SRRM3: variants seen among roughly 807,000 people sequenced by gnomAD.
SRRM3 encodes the protein serine/arginine repetitive matrix 3, also known as serine/arginine repetitive matrix protein 3.
In SRRM3, 27 loss-of-function variants were observed where a neutral mutation model predicts 66.2. That is an observed-to-expected ratio of 0.41 (90% CI 0.30 to 0.56). The LOEUF (loss-of-function observed/expected upper bound fraction) is 0.56, where lower values mean the gene tolerates loss of function less well. SRRM3 is among the 20% of genes least tolerant of loss of function. The pLI is 0.32. For missense variants in SRRM3, 918 were observed against 991.9 expected (o/e 0.93, Z 1.00); for synonymous variants, 391 against 414.9 (o/e 0.94, Z 0.70).
intron 2 of SRRM3, 43 bp from the exon 3 acceptor site, chr7:76,248,145 A>C: frequency 6.5e-7 from 1 of 1,547,140 alleles, no homozygotes; most frequent in Non-Finnish European, 8.9e-7. Flanking sequence ...GAGGGAACCA[A>C]ATCTGGGAGA....
intron 6 of SRRM3, 137 bp from the exon 7 acceptor site, chr7:76,261,215 G>A: frequency 1.4e-6 from 1 of 739,392 alleles, no homozygotes; most frequent in East Asian, 2.7e-5. Flanking sequence ...GGGTCACTCT[G>A]TACAAGGGAC....
intron 1 of SRRM3, among the ~76,000 whole-genome samples, chr7:76,229,157 C>T (rs1435910162): frequency 6.6e-6 from 1 of 152,016 alleles, no homozygotes; most frequent in African/African-American, 2.4e-5. Context: ...CTTGTCCTCC[C>T]AAAATGCTGA....
Position 76,265,422 on chromosome 7 carries a change from A to G in SRRM3, c.784A>G (p.Ser262Gly). Residue 262 changes from serine (S) to glycine (G), a missense_variant, in exon 10 of 15, where the codon AGC becomes GGC. Transcript: ENST00000611745. The part of the protein sequence containing the change: ...SHRHSSGSSH[S>G]PSLSSHYSDS... Reference sequence around the variant, plus strand: ...TCGCCATAGCAGTGGCAGCTCCCACAGCCCCTCCCTCTCCTCCCACTACAG... The same window carrying G: ...TCGCCATAGCAGTGGCAGCTCCCACGGCCCCTCCCTCTCCTCCCACTACAG... 1 of 1,606,222 alleles carries G rather than the reference A, an allele frequency of 6.2e-7. No homozygotes were observed. Among genetic ancestry groups the G allele is most frequent in the Non-Finnish European group, 8.5e-7 (1 of 1,176,630 alleles).
At chr7:76,281,891 C>T (rs1368058682) in intron 12 of SRRM3, 89 bp downstream of exon 12, 1 of 1,038,364 alleles carries the variant, frequency 9.6e-7, no homozygotes. Context: ...CGGGATCCCT[C>T]CCCGCGCTGA....
intron 2 of SRRM3, among the ~76,000 whole-genome samples, chr7:76,246,649 G>A (rs146213243): frequency 2.6e-5 from 4 of 152,244 alleles, no homozygotes; most frequent in South Asian, 4.1e-4. Flanking sequence ...GAACCAACTC[G>A]GAGGCCTAGG....
intron 1 of SRRM3, among the ~76,000 whole-genome samples, chr7:76,215,884 G>A (rs1383312770): frequency 2.1e-5 from 3 of 144,472 alleles, no homozygotes; most frequent in African/African-American, 5.2e-5. Flanking sequence ...TGCAAGCTCC[G>A]CCTCCCGGGT....
At chr7:76,243,004 T>C (rs1299213089) in intron 2 of SRRM3, among the ~76,000 whole-genome samples, 2 of 152,136 alleles carry the variant, frequency 1.3e-5, no homozygotes, top group Non-Finnish European at 2.9e-5. Context: ...AACTCACTCA[T>C]GGCCATGGGG....
In SRRM3 at chr7:76,285,528, G is replaced by A. The variant is rs1027268470; in HGVS notation, c.1734-87G>A. On this transcript the variant is annotated intron_variant, in intron 14 of 14. Coordinates refer to ENST00000611745, the MANE Select transcript of SRRM3 (RefSeq NM_001110199.3). This position sits in a 1 kb window ranked among gnomAD's most constrained non-coding sequence, Gnocchi z 4.1. ...AGGTGTCTCTAAGGCCAGGGCTCAG[G>A]GGAAACTGAGGCAGGAAGCCCTGGC... The A allele has an allele frequency of 1.2e-5, 13 of 1,113,542 alleles. No individual in the cohort carries two copies. Among genetic ancestry groups the A allele is most frequent in the Admixed American group, 2.3e-5 (1 of 43,378 alleles). 69.0% of individuals were successfully genotyped at this position (1,113,542 alleles called of 1,614,324 possible).
chr7:76,263,079 C>G (rs1193002330), intron 8 of SRRM3, among the ~76,000 whole-genome samples: 1 of 152,210 alleles, frequency 6.6e-6, no homozygotes, highest in African/African-American at 2.4e-5. Flanking sequence ...TCATCTTCCC[C>G]TGGCCTCCCA....
At chr7:76,229,380 G>T (rs1800958214) in intron 1 of SRRM3, among the ~76,000 whole-genome samples, 1 of 152,020 alleles carries the variant, frequency 6.6e-6, no homozygotes, top group Non-Finnish European at 1.5e-5. Context: ...GGCAAATCTG[G>T]CAATGCTAGC....
intron 2 of SRRM3, among the ~76,000 whole-genome samples, chr7:76,247,745 T>A (rs990899070): frequency 6.6e-6 from 1 of 152,154 alleles, no homozygotes; most frequent in Non-Finnish European, 1.5e-5. Flanking sequence ...CCTAGGCTGG[T>A]GTGCAGTGGC....
In SRRM3 at chr7:76,235,149, C is replaced by T. The variant is rs781982153; in HGVS notation, c.83C>T (p.Ser28Phe). The change falls in exon 2 of 15, where the codon TCC becomes TTC. Residue 28 changes from serine to phenylalanine, a missense_variant. Ser to Phe is a radical substitution (Grantham distance 155). Coordinates refer to ENST00000611745, the MANE Select transcript of SRRM3 (RefSeq NM_001110199.3). ...AANGFPQPSS[S>F]SGTWPRAEEE... is the part of the protein sequence containing the mutation. ...AACGGCTTCCCGCAGCCCAGCTCCT[C>T]CTCGGGGACCTGGCCGCGGGCGGAA... 1 of 1,560,902 alleles carries T rather than the reference C, an allele frequency of 6.4e-7. No individual in the cohort carries two copies. The highest frequency in any genetic ancestry group is 8.6e-7 in the Non-Finnish European group (1 of 1,161,174).
rs377112837 is a variant in SRRM3 at position 76,265,427 on chromosome 7, C to G, written c.789C>G (p.Pro263=). 4.4e-5 allele frequency: 71 copies of G among 1,606,396 alleles called. No individual in the cohort carries two copies. Among genetic ancestry groups the G allele is most frequent in the Admixed American group, 1.5e-4 (9 of 58,970 alleles). ...ATAGCAGTGGCAGCTCCCACAGCCC[C>G]TCCCTCTCCTCCCACTACAGTGATT... is the stretch of plus-strand genomic sequence containing the variant. ...HRHSSGSSHS[P]SLSSHYSDSR... The change falls in exon 10 of 15, where the codon CCC becomes CCG. Residue 263 remains proline (P), a synonymous_variant. Coordinates refer to ENST00000611745, the MANE Select transcript of SRRM3 (RefSeq NM_001110199.3).
At chr7:76,256,071 C>T (rs1287095817) in intron 3 of SRRM3, among the ~76,000 whole-genome samples, 1 of 152,156 alleles carries the variant, frequency 6.6e-6, no homozygotes, top group East Asian at 1.9e-4. Context: ...GGATTCAAAC[C>T]TGTCTCTGTG....
chr7:76,240,403 G>A (rs1554605466), intron 2 of SRRM3, among the ~76,000 whole-genome samples: 2 of 151,978 alleles, frequency 1.3e-5, no homozygotes, highest in East Asian at 1.9e-4. Flanking sequence ...AGCAGATCAC[G>A]AGGTCAGGAG....
At chr7:76,283,670 T>G in intron 14 of SRRM3, 15 of 651,738 alleles carry the variant, frequency 2.3e-5, no homozygotes, top group Non-Finnish European at 3.4e-5. Context: ...ACCTGGGGGA[T>G]TTGGAGGAGG....
chr7:76,222,780 C>A (rs1800759241), intron 1 of SRRM3, among the ~76,000 whole-genome samples: 1 of 152,030 alleles, frequency 6.6e-6, no homozygotes, highest in Non-Finnish European at 1.5e-5. Flanking sequence ...CGCCACCATG[C>A]CTGGCTAATT....
At chr7:76,275,917 A>G (rs1802337435) in intron 11 of SRRM3, among the ~76,000 whole-genome samples, 1 of 152,020 alleles carries the variant, frequency 6.6e-6, no homozygotes, top group Non-Finnish European at 1.5e-5. Context: ...TCTACTAAAA[A>G]TAAAATAAAA....
chr7:76,208,222 G>A (rs1554601340), intron 1 of SRRM3, among the ~76,000 whole-genome samples: 1 of 152,130 alleles, frequency 6.6e-6, no homozygotes, highest in African/African-American at 2.4e-5. Flanking sequence ...GACCCCAGAA[G>A]AAAGCACCCA....
Sources: allele counts gnomAD v4.1 joint callset (sites outside exome capture counted in the v4.1 genomes callset), GRCh38; gene constraint gnomAD v4.1.1; non-coding constraint Gnocchi (gnomAD v3.1); transcripts MANE v1.5; gene names NCBI Gene and HGNC (gene_info 2026-07-23, HGNC 2026-07-21).